LINGO2: variants seen among roughly 807,000 people sequenced by gnomAD.
LINGO2 encodes the protein leucine rich repeat and Ig domain containing 2, also known as leucine-rich repeat and immunoglobulin-like domain-containing nogo receptor-interacting protein 2.
Under a neutral mutation model 30.6 loss-of-function variants are expected in LINGO2, and 14 were observed. That is an observed-to-expected ratio of 0.46 (90% CI 0.30 to 0.72). The LOEUF (loss-of-function observed/expected upper bound fraction) is 0.72. LINGO2 is among the 30% of genes least tolerant of loss of function. The pLI, the probability that LINGO2 is intolerant of heterozygous loss-of-function variation, is 0.07. For missense variants in LINGO2, 729 were observed against 751.7 expected, an observed-to-expected ratio of 0.97 and a Z score of 0.35; for synonymous variants, 317 against 288.5, an observed-to-expected ratio of 1.10 and a Z score of -1.00.
chr9:28,637,302 C>T (rs756381396), intron 1 of LINGO2, among the ~76,000 whole-genome samples: 40 of 152,058 alleles, frequency 2.6e-4, no homozygotes, highest in African/African-American at 6.5e-4. Flanking sequence ...CTTGGCGATG[C>T]GGGCTCTTTT....
At chr9:28,848,436 A>G in the LINGO2 span, among the ~76,000 whole-genome samples, 1 of 121,090 alleles carries the variant, frequency 8.3e-6, no homozygotes, top group Non-Finnish European at 1.7e-5. Context: ...TATACTGTAT[A>G]TAGTATATAT....
the LINGO2 span, among the ~76,000 whole-genome samples, chr9:29,064,503 T>C: frequency 1.3e-5 from 2 of 152,108 alleles, no homozygotes; most frequent in Non-Finnish European, 2.9e-5. Flanking sequence ...ATTTCAACTG[T>C]GAAACTTCAA....
the LINGO2 span, among the ~76,000 whole-genome samples, chr9:29,186,360 T>G: frequency 1.3e-5 from 2 of 152,182 alleles, no homozygotes; most frequent in Non-Finnish European, 2.9e-5. Flanking sequence ...TTTATTATTT[T>G]AAGTGATCCA....
chr9:28,003,066 T>C (rs1395333419), intron 5 of LINGO2, among the ~76,000 whole-genome samples: 3 of 152,166 alleles, frequency 2.0e-5, no homozygotes, highest in African/African-American at 7.2e-5. Flanking sequence ...TGAATTATTA[T>C]AAAATTAAAA....
chr9:28,237,569 G>T (rs1043337515), intron 4 of LINGO2, among the ~76,000 whole-genome samples: 1 of 151,950 alleles, frequency 6.6e-6, no homozygotes, highest in African/African-American at 2.4e-5. Context: ...CTCTTCACTC[G>T]CCAGGTGCGG....
chr9:28,914,409 C>A, the LINGO2 span, among the ~76,000 whole-genome samples: 1 of 152,076 alleles, frequency 6.6e-6, no homozygotes, highest in East Asian at 1.9e-4. Flanking sequence ...AGTTATCAAA[C>A]CTATATCAAG....
At chr9:28,341,112 T>G (rs74477709) in intron 3 of LINGO2, among the ~76,000 whole-genome samples, 48,177 of 151,976 alleles carry the variant, frequency 0.32, 8,434 homozygotes, top group Non-Finnish European at 0.4. Flanking sequence ...GTTGACTAAG[T>G]GAAAAAACAA....
At chr9:29,123,847 T>C in the LINGO2 span, among the ~76,000 whole-genome samples, 1 of 152,100 alleles carries the variant, frequency 6.6e-6, no homozygotes, top group Non-Finnish European at 1.5e-5. Flanking sequence ...GTGTTCTGTG[T>C]CAAGTAGGAA....
the LINGO2 span, among the ~76,000 whole-genome samples, chr9:29,141,213 A>C: frequency 6.6e-6 from 1 of 152,066 alleles, no homozygotes; most frequent in African/African-American, 2.4e-5. Context: ...GAAGTATAAA[A>C]AAACTATAAC....
At chr9:28,038,800 C>A (rs1824065940) in intron 4 of LINGO2, among the ~76,000 whole-genome samples, 1 of 152,082 alleles carries the variant, frequency 6.6e-6, no homozygotes, top group Non-Finnish European at 1.5e-5. Context: ...CAAAGAAAAG[C>A]AGCCTCTTTG....
chr9:28,248,899 G>C (rs1053698010), intron 4 of LINGO2, among the ~76,000 whole-genome samples: 5 of 152,088 alleles, frequency 3.3e-5, no homozygotes, highest in African/African-American at 9.7e-5. Context: ...ACCAAGTTTG[G>C]AATCCCACAC....
At chr9:29,054,915 G>C in the LINGO2 span, among the ~76,000 whole-genome samples, 6,239 of 151,958 alleles carry the variant, frequency 0.041, 196 homozygotes, top group Admixed American at 0.082. Flanking sequence ...ACTAGACTTC[G>C]ATCTTTTAAA....
chr9:28,731,171 T>C, the LINGO2 span, among the ~76,000 whole-genome samples: 38 of 152,084 alleles, frequency 2.5e-4, no homozygotes, highest in South Asian at 4.6e-3. Context: ...GTATTTTTAG[T>C]AGAGGCGAGA....
At chr9:29,164,738 T>A in the LINGO2 span, among the ~76,000 whole-genome samples, 36 of 151,934 alleles carry the variant, frequency 2.4e-4, no homozygotes, top group Non-Finnish European at 4.0e-4. Flanking sequence ...ACACACACAT[T>A]CATGTGCATA....
chr9:28,178,028 T>C (rs1828796599), intron 4 of LINGO2, among the ~76,000 whole-genome samples: 1 of 152,216 alleles, frequency 6.6e-6, no homozygotes, highest in African/African-American at 2.4e-5. Flanking sequence ...TAGAGATGTG[T>C]CTTCCTTTTA....
the LINGO2 span, among the ~76,000 whole-genome samples, chr9:29,131,670 G>T: frequency 6.6e-6 from 1 of 152,024 alleles, no homozygotes; most frequent in Non-Finnish European, 1.5e-5. Context: ...TGACATTTTG[G>T]TCAGGCCCTT....
intron 3 of LINGO2, among the ~76,000 whole-genome samples, chr9:28,316,607 T>G (rs917710993): frequency 3.3e-5 from 5 of 152,178 alleles, no homozygotes; most frequent in African/African-American, 1.2e-4. Context: ...TTTTAGGATG[T>G]GTCAAGCAAG....
chr9:28,363,885 T>G (rs1168304986), intron 3 of LINGO2, among the ~76,000 whole-genome samples: 1 of 152,088 alleles, frequency 6.6e-6, no homozygotes, highest in African/African-American at 2.4e-5. Context: ...GGCATTACCT[T>G]TGTCTCCAAA....
In LINGO2 at chr9:28,223,516, G is replaced by A. The variant is rs1038789107; in HGVS notation, c.-87+71692C>T. ...AGTTTCATCACCCAAATTTGCAGGGGGGCATTTGAAACCACAGCAGCAAAT... is the reference window on the plus strand; with the variant it reads ...AGTTTCATCACCCAAATTTGCAGGGAGGCATTTGAAACCACAGCAGCAAAT... On this transcript the variant is annotated intron_variant, in intron 4 of 5. Transcript: ENST00000379992. Among the ~76,000 whole-genome samples the A allele has an allele frequency of 2.6e-5, 4 of 152,140 alleles. No individual in the cohort carries two copies. The South Asian group carries it at 6.2e-4, about 24-fold the overall frequency.
Sources: allele counts gnomAD v4.1 joint callset (sites outside exome capture counted in the v4.1 genomes callset), GRCh38; gene constraint gnomAD v4.1.1; transcripts MANE v1.5; gene names NCBI Gene and HGNC (gene_info 2026-07-23, HGNC 2026-07-21).